Variants in PRKN observed in about 807,000 individuals in gnomAD.
The protein encoded by PRKN is parkin RBR E3 ubiquitin protein ligase, also known as E3 ubiquitin-protein ligase parkin.
PRKN carries 56 observed loss-of-function variants against 59.5 expected under a neutral mutation model. That is an observed-to-expected ratio of 0.94 (90% CI 0.76 to 1.18). The LOEUF (loss-of-function observed/expected upper bound fraction) is 1.18, where lower values mean the gene tolerates loss of function less well. Ranked by LOEUF, PRKN falls within the 50% of genes most tolerant of loss-of-function variation. The pLI is 0.00. For synonymous variants in PRKN, 250 were observed against 222.1 expected (o/e 1.13, Z -1.12); for missense variants, 657 against 596.4 (o/e 1.10, Z -1.06).
At chr6:161,642,437 C>T (rs1562577881) in intron 7 of PRKN, among the ~76,000 whole-genome samples, 1 of 152,064 alleles carries the variant, frequency 6.6e-6, no homozygotes, top group Non-Finnish European at 1.5e-5. Context: ...TGTTCTCTTT[C>T]TAGAATTATT....
intron 1 of PRKN, among the ~76,000 whole-genome samples, chr6:162,646,991 T>G (rs1040988153): frequency 6.6e-6 from 1 of 152,108 alleles, no homozygotes; most frequent in Non-Finnish European, 1.5e-5. Flanking sequence ...GGCTCATAAG[T>G]CCACAGCCAA....
chr6:162,572,231 T>C (rs538548839), intron 1 of PRKN, among the ~76,000 whole-genome samples: 30 of 152,308 alleles, frequency 2.0e-4, no homozygotes, highest in African/African-American at 6.7e-4. Context: ...GGAAAATCCA[T>C]ATCCCAAATT....
intron 3 of PRKN, among the ~76,000 whole-genome samples, chr6:162,242,558 C>T (rs1779027397): frequency 6.6e-6 from 1 of 152,098 alleles, no homozygotes; most frequent in African/African-American, 2.4e-5. Context: ...ATGTAAATGC[C>T]TCTTGAACAA....
chr6:162,698,159 G>C (rs1161994307), intron 1 of PRKN, among the ~76,000 whole-genome samples: 1 of 152,230 alleles, frequency 6.6e-6, no homozygotes, highest in African/African-American at 2.4e-5. Flanking sequence ...AAGAGGATCA[G>C]CATACAAAGG....
intron 6 of PRKN, among the ~76,000 whole-genome samples, chr6:161,819,405 C>T (rs974523996): frequency 6.6e-6 from 1 of 152,070 alleles, no homozygotes; most frequent in Admixed American, 6.6e-5. Context: ...GCAGGAGAAT[C>T]GCTTGAACCT....
At chr6:161,689,291 T>A (rs1012180445) in intron 7 of PRKN, among the ~76,000 whole-genome samples, 1 of 151,948 alleles carries the variant, frequency 6.6e-6, no homozygotes, top group African/African-American at 2.4e-5. Flanking sequence ...TGTTTTCATA[T>A]CAGGTTTAAT....
chr6:161,944,123 C>T (rs139332327), intron 6 of PRKN, among the ~76,000 whole-genome samples: 12 of 122,698 alleles, frequency 9.8e-5, no homozygotes, highest in Admixed American at 8.3e-4. Context: ...GCCTGAGGGA[C>T]CAGCCTGAGG....
At position 161,779,429 on chromosome 6, in the gene PRKN, TCTTTTCTTTTC is replaced by T. The variant is rs1790097705; in HGVS notation, c.871+6332_871+6342del. Among the ~76,000 whole-genome samples, 113 of 93,012 alleles carry T rather than the reference TCTTTTCTTTTC, an allele frequency of 1.2e-3. 2 individuals are homozygous for T. The highest frequency in any genetic ancestry group is 4.2e-3 in the African/African-American group (106 of 25,460). 61.0% of individuals were successfully genotyped at this position (93,012 alleles called of 152,430 possible). On this transcript the variant is annotated intron_variant, in intron 7 of 11. Transcript: ENST00000366898. The stretch of plus-strand genomic sequence containing the variant: ...CTTTCTTTTCTTTTTTTTCTCTTTT[TCTTTTCTTTTC>T]TTTTTTTTTTTTTTTTTTTTTTGAG...
chr6:162,367,349 A>G (rs1785497970), intron 2 of PRKN, among the ~76,000 whole-genome samples: 1 of 152,174 alleles, frequency 6.6e-6, no homozygotes, highest in African/African-American at 2.4e-5. Context: ...AGGACAGGCT[A>G]ATACACTGTT....
At chr6:162,570,757 T>C (rs1421687777) in intron 1 of PRKN, among the ~76,000 whole-genome samples, 1 of 152,040 alleles carries the variant, frequency 6.6e-6, no homozygotes, top group East Asian at 1.9e-4. Flanking sequence ...AATCTAGTAA[T>C]CAAAACAGTT....
intron 2 of PRKN, among the ~76,000 whole-genome samples, chr6:162,325,563 G>A (rs558081673): frequency 6.6e-6 from 1 of 152,200 alleles, no homozygotes; most frequent in East Asian, 1.9e-4. Context: ...TAATCCAGCA[G>A]GACAGTGGAA....
At chr6:161,836,989 C>T (rs906486277) in intron 6 of PRKN, among the ~76,000 whole-genome samples, 6 of 152,170 alleles carry the variant, frequency 3.9e-5, no homozygotes, top group Admixed American at 1.3e-4. Context: ...TCGCTCCGCT[C>T]CCACACTCCT....
chr6:162,110,957 T>C (rs952012389), intron 4 of PRKN, among the ~76,000 whole-genome samples: 4 of 151,910 alleles, frequency 2.6e-5, no homozygotes, highest in African/African-American at 9.7e-5. Context: ...TATGTCAGAG[T>C]TGAGACAGAC....
intron 1 of PRKN, among the ~76,000 whole-genome samples, chr6:162,581,185 C>G (rs776192153): frequency 1.3e-5 from 2 of 152,058 alleles, no homozygotes; most frequent in Non-Finnish European, 2.9e-5. Flanking sequence ...CAAAAGAATA[C>G]CAAGCATCTG....
chr6:161,548,529 G>GA lies in PRKN; in HGVS notation c.1083+324dup, dbSNP rs1277501136. Among the ~76,000 whole-genome samples the GA allele has an allele frequency of 1.3e-5, 2 of 152,144 alleles. No homozygotes were observed. The highest frequency in any genetic ancestry group is 3.9e-4 in the East Asian group (2 of 5,190). On this transcript the variant is annotated intron_variant, in intron 9 of 11. Coordinates refer to ENST00000366898, the MANE Select transcript of PRKN (RefSeq NM_004562.3). This position sits in a 1 kb window ranked among gnomAD's most constrained non-coding sequence, Gnocchi z 4.2. The stretch of plus-strand genomic sequence containing the variant: ...CTACTTAAAGGCAACTCTGAAGAAA[G>GA]AATAAATTTTTGCTCTGCATCAGCT...
rs1789861879 is a variant in PRKN, at chr6:161,454,079, A to G, written c.1084-67202T>C. On this transcript the variant is annotated intron_variant, in intron 9 of 11. Transcript: ENST00000366898. The surrounding 1 kb of genome is among the most constrained non-coding windows in gnomAD (Gnocchi z 4.6). ...AGACTAATTTGTCAAGCAAGCACAG[A>G]CCACACATGGTTTCTTTTTATTTCT... 6.6e-6 allele frequency among the ~76,000 whole-genome samples: 1 copy of G among 152,186 alleles called. No homozygotes were observed. Among genetic ancestry groups the G allele is most frequent in the Non-Finnish European group, 1.5e-5 (1 of 68,038 alleles).
At chr6:161,652,396 T>C (rs1314049439) in intron 7 of PRKN, among the ~76,000 whole-genome samples, 1 of 152,138 alleles carries the variant, frequency 6.6e-6, no homozygotes, top group African/African-American at 2.4e-5. Flanking sequence ...GAAACGGATA[T>C]GATATAATCA....
chr6:161,587,537 A>T (rs1781562860), intron 7 of PRKN, among the ~76,000 whole-genome samples: 1 of 152,204 alleles, frequency 6.6e-6, no homozygotes, highest in South Asian at 2.1e-4. Context: ...CATCTGCCAA[A>T]TACTTTAATG....
intron 9 of PRKN, among the ~76,000 whole-genome samples, chr6:161,486,399 A>G (rs565729896): frequency 1.3e-5 from 2 of 152,328 alleles, no homozygotes; most frequent in African/African-American, 4.8e-5. Flanking sequence ...ATATATTTAA[A>G]AATGAAATTT....
Sources: allele counts gnomAD v4.1 joint callset (sites outside exome capture counted in the v4.1 genomes callset), GRCh38; gene constraint gnomAD v4.1.1; non-coding constraint Gnocchi (gnomAD v3.1); transcripts MANE v1.5; gene names NCBI Gene and HGNC (gene_info 2026-07-23, HGNC 2026-07-21).